TEAD3: variants seen among roughly 807,000 people sequenced by gnomAD.
TEAD3 encodes TEA domain transcription factor 3.
TEAD3 carries 15 observed loss-of-function variants against 55.6 expected under a neutral mutation model. That is an observed-to-expected ratio of 0.27 (90% CI 0.18 to 0.42). TEAD3 has a LOEUF of 0.42. Among genes scored for constraint, TEAD3 ranks in the 10% least tolerant of loss-of-function variants. TEAD3 has a pLI of 1.00. For missense variants in TEAD3, 407 were observed against 576.8 expected, an observed-to-expected ratio of 0.71 and a Z score of 3.01; for synonymous variants, 210 against 232.2, an observed-to-expected ratio of 0.90 and a Z score of 0.87.
intron 5 of TEAD3, among the ~76,000 whole-genome samples, 152 bp downstream of exon 5, chr6:35,479,153 C>T (rs528359221): frequency 6.6e-6 from 1 of 152,358 alleles, no homozygotes; most frequent in East Asian, 1.9e-4. Context: ...GCTGGGATTA[C>T]AGGCGTGAGC....
chr6:35,477,319 G>A lies in TEAD3; in HGVS notation c.584C>T (p.Thr195Met), dbSNP rs199668648. ...TCGTGTGGGGAACTTACTGCTGAGC[G>A]TCGGCGGCAGGGGCGGCTGGATGGG... The change falls in exon 8 of 13, where the codon ACG (threonine) becomes ATG (methionine). Residue 195 changes from threonine (T) to methionine (M), a missense_variant. Coordinates refer to ENST00000639578, the Ensembl canonical transcript of TEAD3. 8.7e-5 allele frequency: 140 copies of A among 1,608,310 alleles called. No individual in the cohort carries two copies. The highest frequency in any genetic ancestry group is 7.2e-4 in the Admixed American group (43 of 60,010).
Position 35,486,458 on chromosome 6 carries a change from C to T in TEAD3, c.202+3G>A, listed in dbSNP as rs771738942. ...AGTCCCGCCCGCGCCCCCCGGCACGCACCGTACATCTTGCCCTCGTCTGAC... is the reference window on the plus strand; with the variant it reads ...AGTCCCGCCCGCGCCCCCCGGCACGTACCGTACATCTTGCCCTCGTCTGAC... On this transcript the variant is annotated splice_donor_region_variant and intron_variant, in intron 2 of 12. Transcript: ENST00000639578. The surrounding 1 kb of genome is among the most constrained non-coding windows in gnomAD (Gnocchi z 7.3). 3.5e-5 allele frequency: 57 copies of T among 1,611,340 alleles called. No homozygotes were observed. The highest frequency in any genetic ancestry group is 4.6e-5 in the Non-Finnish European group (54 of 1,178,594).
At chr6:35,480,205 C>G (rs1226404148) in intron 3 of TEAD3, 107 bp downstream of exon 4, 4 of 1,554,594 alleles carry the variant, frequency 2.6e-6, no homozygotes, top group Non-Finnish European at 3.5e-6. Context: ...AAAAGAGGCA[C>G]AGTGGGGCTG....
intron 7 of TEAD3, among the ~76,000 whole-genome samples, 183 bp downstream of exon 7, chr6:35,478,092 A>G (rs559815409): frequency 1.3e-5 from 2 of 151,758 alleles, no homozygotes; most frequent in South Asian, 4.2e-4. Flanking sequence ...GCCTCAAGCA[A>G]TCCTCCCACC....
At chr6:35,477,486 C>T in intron 7 of TEAD3, 114 bp from the exon 8 acceptor site, 2 of 920,848 alleles carry the variant, frequency 2.2e-6, no homozygotes, top group South Asian at 3.1e-5. Context: ...TGCTGAGGCC[C>T]AGAAACGCAT....
chr6:35,477,058 T>C (rs1768162872), intron 8 of TEAD3, among the ~76,000 whole-genome samples: 1 of 152,188 alleles, frequency 6.6e-6, no homozygotes, highest in South Asian at 2.1e-4. Context: ...TGACCTCAGG[T>C]GATCCACCTG....
chr6:35,473,612 A>G (rs942162578), downstream of TEAD3: 3 of 150,590 alleles, frequency 2.0e-5, no homozygotes, highest in Non-Finnish European at 2.9e-5. Context: ...TGACTGACCC[A>G]CAAACAAATA....
downstream of TEAD3, chr6:35,474,713 T>C: frequency 3.7e-6 from 1 of 272,432 alleles, no homozygotes; most frequent in Non-Finnish European, 7.0e-6. Flanking sequence ...TGGGTGGGGG[T>C]ACAGTGGCCA....
exon 8 of TEAD3, chr6:35,477,322 G>A (rs1022763062): frequency 4.4e-6 from 7 of 1,606,988 alleles, no homozygotes; most frequent in African/African-American, 4.0e-5. Flanking sequence ...GCTGAGCGTC[G>A]GCGGCAGGGG....
At chr6:35,477,231 C>A (rs1768166718) in intron 8 of TEAD3, 80 bp downstream of exon 8, 1 of 1,504,192 alleles carries the variant, frequency 6.6e-7, no homozygotes, top group African/African-American at 1.4e-5. Flanking sequence ...CCTCCCAAAG[C>A]AAACACACAC....
chr6:35,490,735 C>G (rs1768497953), intron 1 of TEAD3, among the ~76,000 whole-genome samples: 1 of 152,226 alleles, frequency 6.6e-6, no homozygotes, highest in African/African-American at 2.4e-5. Flanking sequence ...TCCCTAGATC[C>G]TCTAACTGCT....
rs970513115 is a variant in TEAD3 at position 35,475,887 on chromosome 6, G to A, written c.900+32C>T. On this transcript the variant is annotated intron_variant, in intron 10 of 12. Transcript: ENST00000639578. The surrounding 1 kb of genome is among the most constrained non-coding windows in gnomAD (Gnocchi z 5.4). ...GTTGCACCTCTGGGGTGGGGAAGGG[G>A]GCTTGGAGCAGAGAAGGCCAGGGGG... 6.6e-7 allele frequency: 1 copy of A among 1,511,650 alleles called. No individual in the cohort carries two copies. Among genetic ancestry groups the A allele is most frequent in the South Asian group, 1.3e-5 (1 of 75,740 alleles). The allele number at this position is 1,511,650 out of a possible 1,614,324, so 93.6% of individuals were successfully genotyped here. A position where few individuals can be genotyped will look rare whatever the true frequency, so the allele number is the denominator to read the frequency against.
In TEAD3 at chr6:35,496,589, C is replaced by T. The variant is rs1055192892; in HGVS notation, c.-50+309G>A. On this transcript the variant is annotated intron_variant, in intron 1 of 12. Transcript: ENST00000639578. This position sits in a 1 kb window ranked among gnomAD's most constrained non-coding sequence, Gnocchi z 4.8. ...ACTGTGCGGCCCCCGGATCCCCGCC[C>T]CGACCCCCCAAGCACGGACGGCGGG... 4.3e-4 allele frequency among the ~76,000 whole-genome samples: 66 copies of T among 152,238 alleles called. No homozygotes were observed. Among genetic ancestry groups the T allele is most frequent in the African/African-American group, 1.5e-3 (61 of 41,558 alleles).
chr6:35,476,468 GATGCATGC>G lies in TEAD3; in HGVS notation c.593-41_593-34del, dbSNP rs748463279. 8.7e-6 allele frequency: 14 copies of G among 1,609,550 alleles called. No individual in the cohort carries two copies. The South Asian group carries it at 1.3e-4, about 15-fold the overall frequency. The stretch of plus-strand genomic sequence containing the variant: ...GGCGAGACAGATTTTCATCTGCATG[GATGCATGC>G]AGGTGCTTACTGACAAAGCTGCCCC... On this transcript the variant is annotated intron_variant, in intron 8 of 12. Transcript: ENST00000639578.
Position 35,475,451 on chromosome 6 carries a change from TAC to T in TEAD3, c.1077_1078del (p.Tyr360ProfsTer62), listed in dbSNP as rs1768123573. The T allele has an allele frequency of 6.2e-7, 1 of 1,613,690 alleles. No individual in the cohort carries two copies. The highest frequency in any genetic ancestry group is 1.3e-5 in the African/African-American group (1 of 74,888). On this transcript the variant is annotated frameshift_variant, in exon 12 of 13. Transcript: ENST00000639578. LOFTEE classifies it high-confidence loss of function. This position sits in a 1 kb window ranked among gnomAD's most constrained non-coding sequence, Gnocchi z 5.4. ...GCACATGGGCGAGCGGTGGATACGG[TAC>T]ACAAAGCGCCCGTTCTCCAGCCTGG...
intron 4 of TEAD3, chr6:35,480,056 G>A (rs749552186): frequency 5.3e-6 from 8 of 1,510,074 alleles, no homozygotes; most frequent in Middle Eastern, 1.7e-4. Context: ...CAGGGGCCCC[G>A]TACCTTCAGC....
exon 13 of TEAD3, chr6:35,474,947 G>T: frequency 9.5e-7 from 1 of 1,056,672 alleles, no homozygotes; most frequent in Non-Finnish European, 1.4e-6. Context: ...GGCCTGGCAG[G>T]TAGATGAATC....
Position 35,476,443 on chromosome 6 carries a change from GGCGAGACAGATTTTCATCT to G in TEAD3, c.593-27_593-9del. 3.1e-6 allele frequency: 5 copies of G among 1,612,634 alleles called. No homozygotes were observed. In the South Asian group the frequency reaches 5.5e-5, roughly 18 times the overall value. On this transcript the variant is annotated splice_polypyrimidine_tract_variant and intron_variant, in intron 8 of 12. Coordinates refer to ENST00000639578, the Ensembl canonical transcript of TEAD3. ...GGGCCAGGGGCTCATAACCTGGGAG[GGCGAGACAGATTTTCATCT>G]GCATGGATGCATGCAGGTGCTTACT...
chr6:35,479,973 T>A, intron 4 of TEAD3: 1 of 1,214,914 alleles, frequency 8.2e-7, no homozygotes, highest in Non-Finnish European at 1.1e-6. Flanking sequence ...GCCCCTTGCC[T>A]GTCCCAGGCT....
Sources: gnomAD v4.1 joint callset for allele counts (sites outside exome capture counted in the v4.1 genomes callset) on GRCh38, gnomAD v4.1.1 for gene constraint, Gnocchi (gnomAD v3.1) non-coding constraint, MANE v1.5 for transcripts, NCBI Gene and HGNC (gene_info 2026-07-23, HGNC 2026-07-21) for gene names.